Variants in CIP2A observed in about 807,000 individuals in gnomAD.
The protein encoded by CIP2A is protein CIP2A.
A neutral mutation model predicts 110.9 loss-of-function variants in CIP2A; 103 were observed. The ratio of observed to expected loss-of-function variants is 0.93; its 90% CI spans 0.79 to 1.09. The LOEUF (loss-of-function observed/expected upper bound fraction) is 1.09, where lower values mean the gene tolerates loss of function less well. Among genes scored for constraint, CIP2A ranks in the 50% least tolerant of loss-of-function variants. The pLI is 0.00. For missense variants in CIP2A, 1,088 were observed against 1,038.4 expected, an observed-to-expected ratio of 1.05 and a Z score of -0.66; for synonymous variants, 381 against 361.6, an observed-to-expected ratio of 1.05 and a Z score of -0.61.
chr3:108,575,917 CGTATAT>C (rs1938629049), intron 8 of CIP2A, among the ~76,000 whole-genome samples: 1 of 141,678 alleles, frequency 7.1e-6, no homozygotes, highest in Admixed American at 6.9e-5. Flanking sequence ...TATACATATA[CGTATAT>C]ATACATACAT....
rs2083874379 is a variant in CIP2A, at chr3:108,549,869, T to C, written c.*1280A>G. The C allele has an allele frequency of 6.6e-6, 1 of 152,074 alleles. No individual in the cohort carries two copies. The highest frequency in any genetic ancestry group is 6.6e-5 in the Admixed American group (1 of 15,248). The allele number at this position is 152,074 out of a possible 1,614,324, so 9.4% of individuals were successfully genotyped here. ...TTTCTTTAACGTTTTGTCTCTTTTATTTTATAGACCCTTTTATTCTTCAGT... is the reference window on the plus strand; with the variant it reads ...TTTCTTTAACGTTTTGTCTCTTTTACTTTATAGACCCTTTTATTCTTCAGT... On this transcript the variant is annotated 3_prime_UTR_variant, in exon 21 of 21. Transcript: ENST00000295746.
chr3:108,578,893 C>T (rs577260425), intron 7 of CIP2A, among the ~76,000 whole-genome samples: 14 of 152,160 alleles, frequency 9.2e-5, no homozygotes, highest in African/African-American at 3.4e-4. Flanking sequence ...TGTTTCAACA[C>T]TGTTTCATTT....
chr3:108,587,914 T>C (rs1347243432), intron 1 of CIP2A, among the ~76,000 whole-genome samples: 1 of 152,090 alleles, frequency 6.6e-6, no homozygotes, highest in East Asian at 1.9e-4. Flanking sequence ...CCCGAGTAGC[T>C]GGGACAACAG....
At chr3:108,552,052 C>T (rs1275094467) in intron 20 of CIP2A, among the ~76,000 whole-genome samples, 182 bp downstream of exon 20, 1 of 152,118 alleles carries the variant, frequency 6.6e-6, no homozygotes, top group Non-Finnish European at 1.5e-5. Flanking sequence ...TTAATAACTG[C>T]TTAACTATTT....
rs769626461 is a variant in CIP2A at position 108,581,528 on chromosome 3, G to C, written c.453-17C>G. The C allele has an allele frequency of 3.3e-6, 5 of 1,495,986 alleles. No homozygotes were observed. The highest frequency in any genetic ancestry group is 4.6e-6 in the Non-Finnish European group (5 of 1,078,642). The allele number at this position is 1,495,986 out of a possible 1,614,324, so 92.7% of individuals were successfully genotyped here. On this transcript the variant is annotated splice_polypyrimidine_tract_variant and intron_variant, in intron 4 of 20. Transcript: ENST00000295746. ...GAAGATTGACTGTTGTTTTACATTG[G>C]TGTTTTGTTTAAAGAAAAAATAGTA...
intron 11 of CIP2A, 56 bp downstream of exon 11, chr3:108,566,441 A>C: frequency 7.1e-7 from 1 of 1,403,294 alleles, no homozygotes; most frequent in Admixed American, 2.0e-5. Flanking sequence ...GAGAATCACC[A>C]CATCTTTCGA....
rs1326215386 is a variant in CIP2A, at chr3:108,551,220, G to A, written c.2647C>T (p.His883Tyr). Residue 883 changes from histidine (H) to tyrosine (Y), a missense_variant, in exon 21 of 21, where the codon CAC (histidine) becomes TAC (tyrosine). Transcript: ENST00000295746. ...AAACTGTGGATCATTGCTATCATGT[G>A]GGAGTGTTTGTTCAATTCCTCTTGC... ...LQQEELNKHS[H>Y]MIAMIHSLSG... The A allele has an allele frequency of 6.2e-7, 1 of 1,611,782 alleles. No individual in the cohort carries two copies. Among genetic ancestry groups the A allele is most frequent in the Non-Finnish European group, 8.5e-7 (1 of 1,178,502 alleles).
Position 108,581,984 on chromosome 3 carries a change from A to G in CIP2A, c.452+124T>C, listed in dbSNP as rs60442952. 1.6e-3 allele frequency: 767 copies of G among 469,716 alleles called. 7 individuals are homozygous for G. Among genetic ancestry groups the G allele is most frequent in the African/African-American group, 0.015 (725 of 49,430 alleles). The allele number at this position is 469,716 out of a possible 1,614,324, so 29.1% of individuals were successfully genotyped here. A position where few individuals can be genotyped will look rare whatever the true frequency, so the allele number is the denominator to read the frequency against. On this transcript the variant is annotated intron_variant, in intron 4 of 20. Transcript: ENST00000295746. Reference sequence around the variant, plus strand: ...AAATCATCTGGGCAGAACAAATAAGAATCGGAGTCTCACTCAGTTTATATG... The same window carrying G: ...AAATCATCTGGGCAGAACAAATAAGGATCGGAGTCTCACTCAGTTTATATG...
intron 19 of CIP2A, 48 bp from the exon 20 acceptor site, chr3:108,552,421 A>T (rs1473004796): frequency 1.6e-6 from 2 of 1,261,500 alleles, no homozygotes; most frequent in Non-Finnish European, 2.1e-6. Flanking sequence ...TCTTACACTG[A>T]CTACTCTGAA....
intron 2 of CIP2A, 33 bp downstream of exon 2, chr3:108,585,032 C>T: frequency 1.3e-6 from 2 of 1,583,628 alleles, no homozygotes; most frequent in Non-Finnish European, 1.7e-6. Flanking sequence ...ATACATCTTC[C>T]AAAAACTAAA....
intron 18 of CIP2A, among the ~76,000 whole-genome samples, 158 bp from the exon 19 acceptor site, chr3:108,553,888 T>TAAAAAAAC (rs1937680703): frequency 3.3e-4 from 1 of 3,052 alleles, no homozygotes; most frequent in Non-Finnish European, 6.4e-4. Flanking sequence ...CCGTCTCTAC[T>TAAAAAAAC]AAAAATATAA....
intron 17 of CIP2A, among the ~76,000 whole-genome samples, chr3:108,555,734 T>C (rs1318073287): frequency 6.6e-6 from 1 of 152,216 alleles, no homozygotes; most frequent in Non-Finnish European, 1.5e-5. Context: ...CGAAAAATCT[T>C]TGGGTCTACC....
In CIP2A at chr3:108,551,335, TG is replaced by T; in HGVS notation, c.2548-17del. ...GGGAGGAAGCCTAAGGAATTGGGGTTGGGGGAGGAGGAAGAATTGAGAAGAA... is the reference window on the plus strand; with the variant it reads ...GGGAGGAAGCCTAAGGAATTGGGGTTGGGGAGGAGGAAGAATTGAGAAGAA... On this transcript the variant is annotated splice_polypyrimidine_tract_variant and intron_variant, in intron 20 of 20. Transcript: ENST00000295746. 6.3e-7 allele frequency: 1 copy of T among 1,580,938 alleles called. No individual in the cohort carries two copies. Among genetic ancestry groups the T allele is most frequent in the Non-Finnish European group, 8.6e-7 (1 of 1,162,500 alleles).
intron 8 of CIP2A, among the ~76,000 whole-genome samples, chr3:108,573,626 A>C (rs1938471030): frequency 6.6e-6 from 1 of 151,958 alleles, no homozygotes. Flanking sequence ...CTTATTTAGC[A>C]CTTATATTAC....
At chr3:108,558,647 C>T (rs761829722) in intron 16 of CIP2A, among the ~76,000 whole-genome samples, 3 of 151,976 alleles carry the variant, frequency 2.0e-5, no homozygotes, top group Admixed American at 6.6e-5. Context: ...GAGGAAGGAT[C>T]GTCAAACACG....
rs376282027 is a variant in CIP2A, at chr3:108,575,887, TGTATGA to T, written c.894+378_894+383del. Among the ~76,000 whole-genome samples, 14 of 45,246 alleles carry T rather than the reference TGTATGA, an allele frequency of 3.1e-4. 1 individual carries two copies. Among genetic ancestry groups the T allele is most frequent in the East Asian group, 7.0e-3 (1 of 142 alleles). The allele number at this position is 45,246 out of a possible 152,430, so 29.7% of individuals were successfully genotyped here. ...ACACGTATATATACTCATATACATG[TGTATGA>T]GTATATATACATATATACATATACG... On this transcript the variant is annotated intron_variant, in intron 8 of 20. Transcript: ENST00000295746.
At chr3:108,585,279 T>TA in intron 1 of CIP2A, 67 bp from the exon 2 acceptor site, 1 of 1,431,268 alleles carries the variant, frequency 7.0e-7, no homozygotes, top group South Asian at 1.4e-5. Context: ...CCATTTCAAA[T>TA]AAAAAACTCA....
At chr3:108,582,301 T>C (rs1324101373) in intron 3 of CIP2A, 99 bp from the exon 4 acceptor site, 9 of 478,762 alleles carry the variant, frequency 1.9e-5, no homozygotes, top group African/African-American at 8.1e-5. Flanking sequence ...CCTTTTCCAT[T>C]TCCTAAAACA....
intron 8 of CIP2A, chr3:108,574,597 C>CAA: frequency 6.5e-6 from 1 of 152,756 alleles, no homozygotes; most frequent in Non-Finnish European, 1.5e-5. Flanking sequence ...TGCTCCTTTC[C>CAA]TCCTGGGGCC....
Sources: allele counts gnomAD v4.1 joint callset (sites outside exome capture counted in the v4.1 genomes callset), GRCh38; gene constraint gnomAD v4.1.1; transcripts MANE v1.5; gene names NCBI Gene and HGNC (gene_info 2026-07-23, HGNC 2026-07-21).